The following GALNTL5 variants were observed in gnomAD, a reference collection of about 807,000 sequenced individuals.
GALNTL5 encodes inactive polypeptide N-acetylgalactosaminyltransferase-like protein 5.
Under a neutral mutation model 51.0 loss-of-function variants are expected in GALNTL5, and 44 were observed. That is an observed-to-expected ratio of 0.86 (90% CI 0.68 to 1.11). The LOEUF (loss-of-function observed/expected upper bound fraction) is 1.11, where lower values mean the gene tolerates loss of function less well. Among genes scored for constraint, GALNTL5 ranks in the 50% least tolerant of loss-of-function variants. GALNTL5 has a pLI of 0.00. For missense variants in GALNTL5, 528 were observed against 531.8 expected (o/e 0.99, Z 0.07); for synonymous variants, 192 against 182.8 (o/e 1.05, Z -0.41).
At chr7:151,962,708 A>T (rs1419947908) in intron 1 of GALNTL5, among the ~76,000 whole-genome samples, 1 of 152,006 alleles carries the variant, frequency 6.6e-6, no homozygotes, top group Admixed American at 6.5e-5. Context: ...TCCCGGGTTC[A>T]CACAATTCTC....
intron 4 of GALNTL5, among the ~76,000 whole-genome samples, chr7:151,984,641 T>C (rs1477800620): frequency 6.6e-6 from 1 of 152,142 alleles, no homozygotes; most frequent in East Asian, 1.9e-4. Context: ...TCTAGCCTTG[T>C]GCATGGGAAG....
chr7:151,997,388 CA>C (rs1275099644), intron 5 of GALNTL5, among the ~76,000 whole-genome samples: 1 of 152,162 alleles, frequency 6.6e-6, no homozygotes, highest in Non-Finnish European at 1.5e-5. Context: ...TTCCTAGCAC[CA>C]AACTTTAGGT....
At chr7:151,988,889 G>A (rs1216055429) in intron 5 of GALNTL5, among the ~76,000 whole-genome samples, 4 of 151,840 alleles carry the variant, frequency 2.6e-5, no homozygotes, top group African/African-American at 7.3e-5. Flanking sequence ...TAGTAGAGAC[G>A]GGGTTTTGCC....
At chr7:151,980,369 C>T (rs1417430782) in intron 3 of GALNTL5, among the ~76,000 whole-genome samples, 1 of 152,192 alleles carries the variant, frequency 6.6e-6, no homozygotes, top group Non-Finnish European at 1.5e-5. Flanking sequence ...CAGGCGTGAG[C>T]CATTTAAGCC....
rs35854078 is a variant in GALNTL5 at position 152,019,513 on chromosome 7, G to GA, written c.1177-126dup. 28 of 787,450 alleles carry GA rather than the reference G, an allele frequency of 3.6e-5. 1 individual carries two copies. The Admixed American group carries it at 5.1e-4, about 14-fold the overall frequency. 48.8% of individuals were successfully genotyped at this position (787,450 alleles called of 1,614,324 possible). A position where few individuals can be genotyped will look rare whatever the true frequency, so the allele number is the denominator to read the frequency against. The stretch of plus-strand genomic sequence containing the variant: ...TGTCTCTGCCTTCATTCCCTAGACA[G>GA]AAAAAAATTGGGATCTGGAGGGCTT... On this transcript the variant is annotated intron_variant, in intron 8 of 8. Transcript: ENST00000392800.
At chr7:151,962,847 G>T (rs2081009129) in intron 1 of GALNTL5, among the ~76,000 whole-genome samples, 1 of 152,006 alleles carries the variant, frequency 6.6e-6, no homozygotes, top group African/African-American at 2.4e-5. Flanking sequence ...GACCTCAAGT[G>T]ATCCACCCAC....
intron 5 of GALNTL5, among the ~76,000 whole-genome samples, chr7:152,001,281 C>T (rs938039670): frequency 6.6e-6 from 1 of 151,580 alleles, no homozygotes; most frequent in Non-Finnish European, 1.5e-5. Context: ...TGAATTCCAA[C>T]GTATATGTTT....
At chr7:151,966,503 A>G (rs1214974090) in intron 1 of GALNTL5, among the ~76,000 whole-genome samples, 1 of 152,156 alleles carries the variant, frequency 6.6e-6, no homozygotes, top group Non-Finnish European at 1.5e-5. Flanking sequence ...TCCTGACCTC[A>G]GGTGATCCAC....
chr7:152,019,889 C>A lies in GALNTL5; in HGVS notation c.*88C>A. ...TCACAAGAGTGTAAGTTTGGAACAT[C>A]GTGGAATTACGTGAAATGCAATTAA... On this transcript the variant is annotated 3_prime_UTR_variant, in exon 9 of 9. Transcript: ENST00000392800. 3.7e-6 allele frequency: 4 copies of A among 1,070,934 alleles called. No individual in the cohort carries two copies. The highest frequency in any genetic ancestry group is 1.8e-5 in the South Asian group (1 of 55,384). 66.3% of individuals were successfully genotyped at this position (1,070,934 alleles called of 1,614,324 possible).
At chr7:151,999,293 C>T (rs905508682) in intron 5 of GALNTL5, among the ~76,000 whole-genome samples, 1 of 152,076 alleles carries the variant, frequency 6.6e-6, no homozygotes, top group Non-Finnish European at 1.5e-5. Flanking sequence ...TGGGCTGTTT[C>T]CCTCTTTTGG....
intron 3 of GALNTL5, among the ~76,000 whole-genome samples, chr7:151,972,443 A>G (rs907991150): frequency 1.3e-5 from 2 of 152,240 alleles, no homozygotes; most frequent in African/African-American, 2.4e-5. Flanking sequence ...TGCATAAGTA[A>G]TGAGGAGCTG....
intron 5 of GALNTL5, among the ~76,000 whole-genome samples, chr7:151,997,586 A>G (rs2081515763): frequency 6.6e-6 from 1 of 152,226 alleles, no homozygotes; most frequent in Non-Finnish European, 1.5e-5. Flanking sequence ...AAAATTCAGT[A>G]ATACCCCATA....
chr7:151,992,156 G>A (rs1178088401), intron 5 of GALNTL5, among the ~76,000 whole-genome samples: 1 of 152,146 alleles, frequency 6.6e-6, no homozygotes, highest in Non-Finnish European at 1.5e-5. Context: ...TGGTTGGTGG[G>A]TAGAGTCGCT....
At chr7:151,970,306 A>G (rs2081118857) in intron 2 of GALNTL5, among the ~76,000 whole-genome samples, 1 of 152,182 alleles carries the variant, frequency 6.6e-6, no homozygotes, top group Admixed American at 6.5e-5. Context: ...TTGAAAATGG[A>G]CCATCACATA....
In GALNTL5 at chr7:151,983,302, C is replaced by T. The variant is rs1182858479; in HGVS notation, c.535+150C>T. 13 of 686,610 alleles carry T rather than the reference C, an allele frequency of 1.9e-5. No individual in the cohort carries two copies. In the East Asian group the frequency reaches 2.2e-4, roughly 12 times the overall value. 42.5% of individuals were successfully genotyped at this position (686,610 alleles called of 1,614,324 possible). ...AAGCGATTCTCCTGCCTCAGCCTCC[C>T]GTGCAGCTGGGATTACAGGTGCATG... is the stretch of plus-strand genomic sequence containing the variant. On this transcript the variant is annotated intron_variant, in intron 4 of 8. Transcript: ENST00000392800.
At chr7:152,008,094 G>A (rs1041945341) in intron 7 of GALNTL5, 150 bp downstream of exon 7, 412 of 557,818 alleles carry the variant, frequency 7.4e-4, no homozygotes, top group Non-Finnish European at 1.1e-3. Context: ...GGGGCTCCTT[G>A]TAAAAATGGA....
At chr7:151,969,923 CAGCCTCCCGAGTAGCTGG>C (rs1019252962) in intron 2 of GALNTL5, among the ~76,000 whole-genome samples, 8 of 152,258 alleles carry the variant, frequency 5.3e-5, no homozygotes, top group African/African-American at 1.9e-4. Flanking sequence ...TCTCCTGCCT[CAGCCTCCCGAGTAGCTGG>C]GACTACAGGC....
At chr7:151,987,081 T>G in intron 4 of GALNTL5, 78 bp from the exon 5 acceptor site, 5 of 1,239,630 alleles carry the variant, frequency 4.0e-6, no homozygotes. Flanking sequence ...ATTTTAGGAA[T>G]ACGTCATAAT....
chr7:151,966,491 A>T (rs1249201095), intron 1 of GALNTL5, among the ~76,000 whole-genome samples: 2 of 151,334 alleles, frequency 1.3e-5, no homozygotes, highest in Non-Finnish European at 2.9e-5. Flanking sequence ...CTGGTCTCGA[A>T]CTCCTGACCT....
Sources: gnomAD v4.1 joint callset for allele counts (sites outside exome capture counted in the v4.1 genomes callset) on GRCh38, gnomAD v4.1.1 for gene constraint, MANE v1.5 for transcripts, NCBI Gene and HGNC (gene_info 2026-07-23, HGNC 2026-07-21) for gene names.